Variants in KNG1 observed in about 807,000 individuals in gnomAD.
The protein encoded by KNG1 is kininogen 1, also known as kininogen-1.
In KNG1, 23 loss-of-function variants were observed where a neutral mutation model predicts 47.8. The observed-to-expected ratio is 0.48, with a 90% CI of 0.35 to 0.68. KNG1 has a LOEUF of 0.68. Among genes scored for constraint, KNG1 ranks in the 30% least tolerant of loss-of-function variants. The pLI, the probability that KNG1 is intolerant of heterozygous loss-of-function variation, is 0.01. For missense variants in KNG1, 762 were observed against 790.2 expected (o/e 0.96, Z 0.43); for synonymous variants, 277 against 277.0 (o/e 1.00, Z 0.00).
At chr3:186,739,061 A>G in intron 7 of KNG1, 38 bp from the exon 8 acceptor site, 2 of 1,473,610 alleles carry the variant, frequency 1.4e-6, no homozygotes. Flanking sequence ...TTATGCAAAT[A>G]TTTTTAAGCG....
rs373927173 is a variant in KNG1 at position 186,742,324 on chromosome 3, T to C, written c.1928T>C (p.Leu643Pro). ...TATTATTTCGATCTCACTGATGGCC[T>C]TTCTTAATTTAAGTGGCTATGGGTA... The part of the protein sequence containing the change: ...ESYYFDLTDG[L>P]S The change falls in exon 10 of 10, where the codon CTT becomes CCT. Residue 643 changes from leucine (L) to proline (P), a missense_variant. Physicochemically the swap from Leu to Pro is moderately conservative, Grantham distance 98 (BLOSUM62 -3). Coordinates refer to ENST00000644859, the MANE Select transcript of KNG1 (RefSeq NM_001102416.3). 2.5e-6 allele frequency: 4 copies of C among 1,613,816 alleles called. No homozygotes were observed. In the African/African-American group the frequency reaches 5.3e-5, roughly 22 times the overall value.
In KNG1 at chr3:186,739,188, T is replaced by G. The variant is rs529782971; in HGVS notation, c.1020T>G (p.Cys340Trp). The stretch of plus-strand genomic sequence containing the variant: ...GTAATGAAGAGTTGACCGAAAGCTG[T>G]GAGACCAAAAAACTTGGCGTGAGTA... ...KESNEELTES[C>W]ETKKLGQSLD... is the part of the protein sequence containing the mutation. Residue 340 changes from cysteine to tryptophan, a missense_variant, in exon 8 of 10, where the codon TGT becomes TGG. Coordinates refer to ENST00000644859, the MANE Select transcript of KNG1 (RefSeq NM_001102416.3). 6.2e-7 allele frequency: 1 copy of G among 1,614,130 alleles called. No individual in the cohort carries two copies. The highest frequency in any genetic ancestry group is 1.1e-5 in the South Asian group (1 of 91,066).
chr3:186,725,240 G>T lies in KNG1; in HGVS notation c.544G>T (p.Val182Leu). ...TTCCTCCCTCTTCATGCTTAATGAA[G>T]TAAAACGGGCCCAAAGACAGGTTTG... The part of the protein sequence containing the change: ...QHSSLFMLNE[V>L]KRAQRQVVAG... Residue 182 changes from valine (V) to leucine (L), a missense_variant, in exon 4 of 10, where the codon GTA (valine) becomes TTA (leucine). Val to Leu is a conservative substitution (Grantham distance 32). Transcript: ENST00000644859. 6.2e-7 allele frequency: 1 copy of T among 1,614,078 alleles called. No individual in the cohort carries two copies. The highest frequency in any genetic ancestry group is 8.5e-7 in the Non-Finnish European group (1 of 1,179,996).
At chr3:186,738,223 C>G (rs190916078) in intron 7 of KNG1, 1 of 152,088 alleles carries the variant, frequency 6.6e-6, no homozygotes, top group Non-Finnish European at 1.5e-5. Context: ...AGTGATCCAC[C>G]CGCCTCAGCC....
chr3:186,735,510 C>T (rs1560068185), intron 7 of KNG1, among the ~76,000 whole-genome samples: 1 of 151,722 alleles, frequency 6.6e-6, no homozygotes, highest in African/African-American at 2.4e-5. Flanking sequence ...CCCAGCTACT[C>T]GGGAGGCTGA....
At position 186,739,317 on chromosome 3, in the gene KNG1, T is replaced by C; in HGVS notation, c.1039-11T>C. 1 of 1,612,090 alleles carries C rather than the reference T, an allele frequency of 6.2e-7. No homozygotes were observed. The highest frequency in any genetic ancestry group is 8.5e-7 in the Non-Finnish European group (1 of 1,178,118). Reference sequence around the variant, plus strand: ...CACTGTCTCTCTTTCGACTTCTGTTTTCATGGATAGCAAAGCCTAGATTGC... The same window carrying C: ...CACTGTCTCTCTTTCGACTTCTGTTCTCATGGATAGCAAAGCCTAGATTGC... On this transcript the variant is annotated splice_polypyrimidine_tract_variant and intron_variant, in intron 8 of 9. Coordinates refer to ENST00000644859, the MANE Select transcript of KNG1 (RefSeq NM_001102416.3).
In KNG1 at chr3:186,733,691, G is replaced by A. The variant is rs1449759742; in HGVS notation, c.930+1017G>A. Among the ~76,000 whole-genome samples the A allele has an allele frequency of 3.9e-5, 6 of 152,054 alleles. No individual in the cohort carries two copies. The East Asian group carries it at 5.8e-4, about 15-fold the overall frequency. On this transcript the variant is annotated intron_variant, in intron 7 of 9. Transcript: ENST00000644859. ...GTATTAGAAGAGCCTACATTTTGCC[G>A]GGCAGAGTGCCTCATGCCTATAATC...
At chr3:186,724,033 C>T (rs898177522) in intron 3 of KNG1, among the ~76,000 whole-genome samples, 16 of 152,134 alleles carry the variant, frequency 1.1e-4, no homozygotes, top group Non-Finnish European at 2.1e-4. Context: ...AATACTGCTG[C>T]AACAAACCTG....
Position 186,741,622 on chromosome 3 carries a change from T to C in KNG1, c.1226T>C (p.Met409Thr). The C allele has an allele frequency of 6.2e-7, 1 of 1,613,624 alleles. No individual in the cohort carries two copies. Among genetic ancestry groups the C allele is most frequent in the Non-Finnish European group, 8.5e-7 (1 of 1,179,878 alleles). The change falls in exon 10 of 10, where the codon ATG becomes ACG. Residue 409 changes from methionine (M) to threonine (T), a missense_variant. Met to Thr is a moderately conservative substitution (Grantham distance 81). Transcript: ENST00000644859. Reference protein sequence around the residue: ...ETTVSPPHTSMAPAQDEERDS... With the variant: ...ETTVSPPHTSTAPAQDEERDS... ...ACTGTAAGTCCACCCCACACTTCCA[T>C]GGCACCTGCACAAGATGAAGAGCGG...
chr3:186,740,481 G>C (rs1348166279), intron 9 of KNG1, among the ~76,000 whole-genome samples: 2 of 152,200 alleles, frequency 1.3e-5, no homozygotes, highest in African/African-American at 4.8e-5. Flanking sequence ...CTGATTACCA[G>C]TAGGGTCTGG....
chr3:186,735,990 G>C (rs1267536092), intron 7 of KNG1: 1 of 152,140 alleles, frequency 6.6e-6, no homozygotes, highest in African/African-American at 2.4e-5. Flanking sequence ...ACCATGTATT[G>C]TATGTCAGAG....
chr3:186,735,066 C>A (rs1241189987), intron 7 of KNG1, among the ~76,000 whole-genome samples: 2 of 152,212 alleles, frequency 1.3e-5, no homozygotes, highest in Non-Finnish European at 2.9e-5. Flanking sequence ...TGCCATATGA[C>A]CACGTTAGGT....
chr3:186,720,465 A>T, intron 2 of KNG1: 7 of 399,498 alleles, frequency 1.8e-5, no homozygotes, highest in East Asian at 5.5e-5. Context: ...CAGCCAGAAC[A>T]TGTGGCTCAG....
chr3:186,733,725 T>C (rs972592100), intron 7 of KNG1, among the ~76,000 whole-genome samples: 15 of 152,086 alleles, frequency 9.9e-5, no homozygotes, highest in Admixed American at 3.3e-4. Flanking sequence ...TCCCAGCACT[T>C]TGGGAGGCTG....
At chr3:186,739,449 T>C in intron 9 of KNG1, 35 bp downstream of exon 9, 1 of 1,341,014 alleles carries the variant, frequency 7.5e-7, no homozygotes, top group East Asian at 2.3e-5. Flanking sequence ...TGGGGTCAGT[T>C]CTGCTCATTC....
chr3:186,738,872 AGCTT>A (rs1720732805), intron 7 of KNG1: 1 of 475,170 alleles, frequency 2.1e-6, no homozygotes, highest in East Asian at 4.1e-5. Flanking sequence ...AGAAAATTAT[AGCTT>A]GCTTATTTCT....
chr3:186,720,558 G>GT (rs1720162325), intron 2 of KNG1: 1 of 340,854 alleles, frequency 2.9e-6, no homozygotes, highest in Admixed American at 4.3e-5. Flanking sequence ...ATTGCACAAC[G>GT]TTAAGTGCAA....
chr3:186,730,666 AAAAAAAAAAAAAAAAAAATATATAT>A lies in KNG1; in HGVS notation c.673-877_673-853del, dbSNP rs1420395557. Among the ~76,000 whole-genome samples the A allele has an allele frequency of 4.0e-5, 3 of 74,234 alleles. No individual in the cohort carries two copies. The East Asian group carries it at 1.2e-3, about 29-fold the overall frequency. 48.7% of individuals were successfully genotyped at this position (74,234 alleles called of 152,430 possible). ...GAGAGACTCCATCACAAAAAAAAAA[AAAAAAAAAAAAAAAAAAATATATAT>A]ATATATATATATATATATATATATA... On this transcript the variant is annotated intron_variant, in intron 5 of 9. Transcript: ENST00000644859.
Position 186,717,620 on chromosome 3 carries a change from T to G in KNG1, c.78T>G (p.Ile26Met). The change falls in exon 1 of 10, where the codon ATT becomes ATG. Residue 26 changes from isoleucine to methionine, a missense_variant. Coordinates refer to ENST00000644859, the MANE Select transcript of KNG1 (RefSeq NM_001102416.3). ...SLTQESQSEE[I>M]DCNDKDLFKA... The stretch of plus-strand genomic sequence containing the variant: ...CCCAGGAATCACAGTCCGAGGAAAT[T>G]GACTGCAATGACAAGGATTTATTTA... 3 of 1,612,872 alleles carry G rather than the reference T, an allele frequency of 1.9e-6. No homozygotes were observed. Among genetic ancestry groups the G allele is most frequent in the Non-Finnish European group, 2.5e-6 (3 of 1,179,322 alleles).
Sources: gnomAD v4.1 joint callset for allele counts (sites outside exome capture counted in the v4.1 genomes callset) on GRCh38, gnomAD v4.1.1 for gene constraint, MANE v1.5 for transcripts, NCBI Gene and HGNC (gene_info 2026-07-23, HGNC 2026-07-21) for gene names.